The following DAB1 variants were observed in gnomAD, a reference collection of about 807,000 sequenced individuals.
DAB1 encodes the protein DAB adaptor protein 1, also known as disabled homolog 1.
DAB1 carries 15 observed loss-of-function variants against 64.6 expected under a neutral mutation model. The ratio of observed to expected loss-of-function variants is 0.23; its 90% CI spans 0.16 to 0.36. DAB1 has a LOEUF of 0.36. Ranked by LOEUF, DAB1 falls within the 10% of genes least tolerant of loss-of-function variation. The pLI, the probability that DAB1 is intolerant of heterozygous loss-of-function variation, is 1.00. For synonymous variants in DAB1, 235 were observed against 251.9 expected (o/e 0.93, Z 0.64); for missense variants, 596 against 706.7 (o/e 0.84, Z 1.78).
At chr1:57,388,177 T>C (rs1682043919) in intron 1 of DAB1, among the ~76,000 whole-genome samples, 1 of 152,214 alleles carries the variant, frequency 6.6e-6, no homozygotes. Flanking sequence ...TGATTATTTC[T>C]CCTTCTGAAT....
In DAB1 at chr1:57,840,973, A is replaced by C. The variant is rs188874179; in HGVS notation, n.88-14518T>G. 7.1e-4 allele frequency among the ~76,000 whole-genome samples: 108 copies of C among 152,302 alleles called. 2 individuals are homozygous for C. Among genetic ancestry groups the C allele is most frequent in the African/African-American group, 2.5e-3 (106 of 41,570 alleles). ...CATTCCAGCATTAACTCAAAAGTCC[A>C]AGTCCAAAGTCTCATCTGAGACAAG... On this transcript the variant is annotated intron_variant and non_coding_transcript_variant, in intron 1 of 1. Coordinates refer to the DAB1 transcript ENST00000477280.
At chr1:57,902,851 T>C (rs1177264651) in intron 5 of DAB1, among the ~76,000 whole-genome samples, 1 of 152,170 alleles carries the variant, frequency 6.6e-6, no homozygotes, top group African/African-American at 2.4e-5. Context: ...CAACTTTTAA[T>C]ACAATAATGT....
intron 7 of DAB1, among the ~76,000 whole-genome samples, chr1:57,479,089 C>T (rs1488494179): frequency 1.4e-5 from 2 of 146,276 alleles, no homozygotes; most frequent in Non-Finnish European, 3.0e-5. Flanking sequence ...AATGATATTA[C>T]AAAAAAAAAA....
At chr1:58,457,698 T>TG (rs977633423) in intron 3 of DAB1, among the ~76,000 whole-genome samples, 1 of 152,196 alleles carries the variant, frequency 6.6e-6, no homozygotes, top group Non-Finnish European at 1.5e-5. Context: ...TAGTCAGTCT[T>TG]GGAGTGGGGG....
At chr1:58,144,685 C>A (rs547138326) in intron 5 of DAB1, among the ~76,000 whole-genome samples, 12 of 152,162 alleles carry the variant, frequency 7.9e-5, no homozygotes, top group African/African-American at 2.9e-4. Flanking sequence ...TGAGTAGAAG[C>A]ATTTTATAGG....
intron 6 of DAB1, among the ~76,000 whole-genome samples, chr1:57,692,562 T>G (rs1646777035): frequency 6.6e-6 from 1 of 151,694 alleles, no homozygotes; most frequent in South Asian, 2.1e-4. Flanking sequence ...GAAAGAGAGA[T>G]GGAAATAGTA....
intron 6 of DAB1, among the ~76,000 whole-genome samples, chr1:57,650,498 T>C (rs1646243996): frequency 6.6e-6 from 1 of 152,182 alleles, no homozygotes; most frequent in Non-Finnish European, 1.5e-5. Context: ...AGAAGAATAA[T>C]ATGTAAATAT....
chr1:57,927,554 T>C (rs1644896818), intron 5 of DAB1, among the ~76,000 whole-genome samples: 1 of 152,116 alleles, frequency 6.6e-6, no homozygotes, highest in Admixed American at 6.6e-5. Context: ...CAACCATTTA[T>C]GCAATGAAGC....
chr1:57,732,103 A>C (rs2101775342), intron 6 of DAB1, among the ~76,000 whole-genome samples: 1 of 152,316 alleles, frequency 6.6e-6, no homozygotes, highest in South Asian at 2.1e-4. Context: ...AAAGGCACAC[A>C]TAACAAGCCA....
At chr1:57,979,029 G>C (rs190590259) in intron 5 of DAB1, among the ~76,000 whole-genome samples, 1 of 152,234 alleles carries the variant, frequency 6.6e-6, no homozygotes, top group Non-Finnish European at 1.5e-5. Context: ...TCTAGAACTA[G>C]AAATACCATT....
At chr1:57,210,044 C>T (rs1318350709) in intron 2 of DAB1, among the ~76,000 whole-genome samples, 1 of 152,186 alleles carries the variant, frequency 6.6e-6, no homozygotes, top group African/African-American at 2.4e-5. Context: ...TCAGTTTCCT[C>T]ATTAATAAAA....
intron 1 of DAB1, among the ~76,000 whole-genome samples, chr1:57,831,820 G>A (rs1652603569): frequency 6.6e-6 from 1 of 152,016 alleles, no homozygotes; most frequent in Admixed American, 6.5e-5. Flanking sequence ...TGGGAATACA[G>A]GCGTGAGTCA....
At chr1:57,240,565 A>T (rs947939407) in intron 2 of DAB1, among the ~76,000 whole-genome samples, 1 of 152,188 alleles carries the variant, frequency 6.6e-6, no homozygotes, top group Non-Finnish European at 1.5e-5. Flanking sequence ...AACTTGACCA[A>T]AGTCACAAAT....
chr1:57,609,380 T>G (rs906186516), intron 7 of DAB1, among the ~76,000 whole-genome samples: 2 of 152,228 alleles, frequency 1.3e-5, no homozygotes, highest in Non-Finnish European at 2.9e-5. Context: ...AATCTAGAGA[T>G]AATTTAAAAG....
chr1:58,378,887 C>A, intron 3 of DAB1, among the ~76,000 whole-genome samples: 1 of 70,474 alleles, frequency 1.4e-5, no homozygotes, highest in East Asian at 3.5e-4. Flanking sequence ...TCGTGGTGCG[C>A]CGTTTTTTAA....
At chr1:58,276,257 C>T (rs1661440384) in intron 4 of DAB1, among the ~76,000 whole-genome samples, 1 of 152,048 alleles carries the variant, frequency 6.6e-6, no homozygotes, top group Non-Finnish European at 1.5e-5. Context: ...ATATACATAA[C>T]ACTACTGAAC....
At chr1:58,210,910 T>C (rs568684632) in intron 4 of DAB1, among the ~76,000 whole-genome samples, 5 of 152,306 alleles carry the variant, frequency 3.3e-5, no homozygotes, top group Admixed American at 1.3e-4. Flanking sequence ...ACACTTTCTC[T>C]GAGAACATGT....
chr1:57,566,476 T>G (rs1233202854), intron 7 of DAB1, among the ~76,000 whole-genome samples: 1 of 152,074 alleles, frequency 6.6e-6, no homozygotes, highest in Non-Finnish European at 1.5e-5. Flanking sequence ...AAAAAATCAA[T>G]GAATCCAGGA....
intron 7 of DAB1, among the ~76,000 whole-genome samples, chr1:57,589,078 A>G (rs1645412700): frequency 6.6e-6 from 1 of 152,210 alleles, no homozygotes; most frequent in African/African-American, 2.4e-5. Context: ...TCTACTAAAA[A>G]TACAAAAAAT....
Sources: allele counts gnomAD v4.1 joint callset (sites outside exome capture counted in the v4.1 genomes callset), GRCh38; gene constraint gnomAD v4.1.1; transcripts MANE v1.5; gene names NCBI Gene and HGNC (gene_info 2026-07-23, HGNC 2026-07-21).